The following AGPAT2 variants were observed in gnomAD, a reference collection of about 807,000 sequenced individuals.
The protein encoded by AGPAT2 is 1-acyl-sn-glycerol-3-phosphate acyltransferase beta.
AGPAT2 carries 18 observed loss-of-function variants against 26.1 expected under a neutral mutation model. The observed-to-expected ratio is 0.69, with a 90% CI of 0.48 to 1.02. The LOEUF is 1.02. Ranked by LOEUF, AGPAT2 falls within the 50% of genes least tolerant of loss-of-function variation. The probability of loss-of-function intolerance (pLI) is 0.00; values close to 1 mark genes in which losing one functional copy is unlikely to be tolerated. For missense variants in AGPAT2, 415 were observed against 394.9 expected (o/e 1.05, Z -0.43); for synonymous variants, 200 against 174.2 (o/e 1.15, Z -1.16).
rs144280936 is a variant in AGPAT2, at chr9:136,683,862, G to A, written c.182+3314C>T. On this transcript the variant is annotated intron_variant, in intron 1 of 5. Transcript: ENST00000371696. ...GCCCCCGATGGCATCTGTCATCACC[G>A]GACATCTGTCAGAGGACCCGGGACC... is the stretch of plus-strand genomic sequence containing the variant. 3.0e-4 allele frequency among the ~76,000 whole-genome samples: 46 copies of A among 152,330 alleles called. No individual in the cohort carries two copies. In the East Asian group the frequency reaches 5.8e-3, roughly 19 times the overall value.
Position 136,677,533 on chromosome 9 carries a change from C to T in AGPAT2, c.206G>A (p.Ser69Asn). 1 of 1,612,910 alleles carries T rather than the reference C, an allele frequency of 6.2e-7. No individual in the cohort carries two copies. Among genetic ancestry groups the T allele is most frequent in the Non-Finnish European group, 8.5e-7 (1 of 1,179,930 alleles). ...NMSIIGWFVRSFKYFYGLRFE... is the reference protein window; with the variant it reads ...NMSIIGWFVRNFKYFYGLRFE... Reference sequence around the variant, plus strand: ...GCGGAGCCCGTAAAAGTACTTGAAGCTTCGCACGAACCAGCCGATGATGCT... The same window carrying T: ...GCGGAGCCCGTAAAAGTACTTGAAGTTTCGCACGAACCAGCCGATGATGCT... Residue 69 changes from serine (S) to asparagine (N), a missense_variant, in exon 2 of 6, where the codon AGC (serine) becomes AAC (asparagine). Ser to Asn is a conservative substitution (Grantham distance 46). Transcript: ENST00000371696.
At chr9:136,679,535 G>A (rs1028640517) in intron 1 of AGPAT2, among the ~76,000 whole-genome samples, 1 of 152,134 alleles carries the variant, frequency 6.6e-6, no homozygotes, top group African/African-American at 2.4e-5. Flanking sequence ...CGCACACTCA[G>A]GGGAACTGCA....
chr9:136,677,007 GC>G lies in AGPAT2; in HGVS notation c.445del (p.Ala149ProfsTer2). On this transcript the variant is annotated frameshift_variant, in exon 3 of 6. Transcript: ENST00000371696. LOFTEE classifies it high-confidence loss of function. ...GCCCAGGTCGGCCATCACTGTCATG[GC>G]AGTGCTAGAGCGCTGCCGGTTGATG... ...FFINRQRSST[A>X]MTVMADLGER... 6.2e-7 allele frequency: 1 copy of G among 1,612,834 alleles called. No individual in the cohort carries two copies. Among genetic ancestry groups the G allele is most frequent in the Non-Finnish European group, 8.5e-7 (1 of 1,179,894 alleles).
At chr9:136,679,476 C>T (rs1010440635) in intron 1 of AGPAT2, among the ~76,000 whole-genome samples, 6 of 152,178 alleles carry the variant, frequency 3.9e-5, no homozygotes, top group African/African-American at 9.7e-5. Context: ...CAGGCCGCGC[C>T]GGCCACCGTC....
At chr9:136,676,876 G>C in intron 3 of AGPAT2, 85 bp downstream of exon 3, 1 of 1,529,572 alleles carries the variant, frequency 6.5e-7, no homozygotes, top group Non-Finnish European at 8.9e-7. Flanking sequence ...TGTTTTTTCT[G>C]CCAAAACCAA....
Position 136,673,849 on chromosome 9 carries a change from G to T in AGPAT2, c.740C>A (p.Thr247Asn). ...GGTGGTCCTCATGGCCCGGTGGCAG[G>T]TGTCCACGAGCGCAGGGACGTCCGC... ...TAADVPALVD[T>N]CHRAMRTTFL... is the part of the protein sequence containing the mutation. The change falls in exon 6 of 6, where the codon ACC becomes AAC. Residue 247 changes from threonine (T) to asparagine (N), a missense_variant. Transcript: ENST00000371696. The T allele has an allele frequency of 6.2e-7, 1 of 1,606,118 alleles. No homozygotes were observed. The highest frequency in any genetic ancestry group is 8.5e-7 in the Non-Finnish European group (1 of 1,177,998).
At chr9:136,678,636 C>G (rs1846122866) in intron 1 of AGPAT2, among the ~76,000 whole-genome samples, 1 of 152,194 alleles carries the variant, frequency 6.6e-6, no homozygotes, top group South Asian at 2.1e-4. Context: ...CCTAAGGGCC[C>G]CACACTTTCT....
intron 3 of AGPAT2, 101 bp from the exon 4 acceptor site, chr9:136,676,781 G>T (rs1184814795): frequency 8.3e-6 from 11 of 1,329,518 alleles, no homozygotes; most frequent in African/African-American, 2.9e-5. Context: ...AAAGCAGCTG[G>T]CATGGGACCC....
intron 4 of AGPAT2, 32 bp from the exon 5 acceptor site, chr9:136,674,839 C>A: frequency 1.3e-6 from 2 of 1,506,230 alleles, no homozygotes; most frequent in Admixed American, 2.1e-5. Flanking sequence ...GCTGAGGCAG[C>A]CCTGGGGACA....
intron 1 of AGPAT2, among the ~76,000 whole-genome samples, chr9:136,679,821 C>T (rs1030689509): frequency 4.6e-5 from 7 of 152,154 alleles, no homozygotes; most frequent in East Asian, 1.9e-4. Context: ...AGTGAGGAGT[C>T]GCACAGACAA....
chr9:136,679,922 C>T (rs930754379), intron 1 of AGPAT2, among the ~76,000 whole-genome samples: 10 of 152,274 alleles, frequency 6.6e-5, no homozygotes, highest in East Asian at 3.9e-4. Flanking sequence ...GGAATTCGCC[C>T]GACGGCTGGA....
chr9:136,673,419 A>C lies in AGPAT2; in HGVS notation c.*333T>G, dbSNP rs1846035564. The stretch of plus-strand genomic sequence containing the variant: ...GTGCGTCTGGCCTCGGGGTCCTCCC[A>C]TCTGCTCCTGGGCCATCGGGGGCCT... On this transcript the variant is annotated 3_prime_UTR_variant, in exon 6 of 6. Coordinates refer to ENST00000371696, the MANE Select transcript of AGPAT2 (RefSeq NM_006412.4). 1 of 232,410 alleles carries C rather than the reference A, an allele frequency of 4.3e-6. No homozygotes were observed. The highest frequency in any genetic ancestry group is 2.3e-5 in the African/African-American group (1 of 44,382). The allele number at this position is 232,410 out of a possible 1,614,324, so 14.4% of individuals were successfully genotyped here.
Position 136,673,859 on chromosome 9 carries a change from G to T in AGPAT2, c.730C>A (p.Leu244Ile). The T allele has an allele frequency of 6.2e-7, 1 of 1,605,296 alleles. No homozygotes were observed. ...SGLTAADVPALVDTCHRAMRT... is the reference protein window; with the variant it reads ...SGLTAADVPAIVDTCHRAMRT... ...ATGGCCCGGTGGCAGGTGTCCACGA[G>T]CGCAGGGACGTCCGCCGCAGTGAGG... Residue 244 changes from leucine (L) to isoleucine (I), a missense_variant, in exon 6 of 6, where the codon CTC (leucine) becomes ATC (isoleucine). Transcript: ENST00000371696.
intron 1 of AGPAT2, among the ~76,000 whole-genome samples, chr9:136,684,816 C>A (rs975745981): frequency 6.6e-6 from 1 of 152,328 alleles, no homozygotes; most frequent in African/African-American, 2.4e-5. Context: ...TAACACAGAG[C>A]ACACGCGAAT....
intron 1 of AGPAT2, among the ~76,000 whole-genome samples, chr9:136,681,755 T>C (rs967356966): frequency 1.3e-5 from 2 of 152,170 alleles, no homozygotes; most frequent in East Asian, 1.9e-4. Flanking sequence ...TGAGCCGAGA[T>C]GGTGCCATTG....
At chr9:136,674,379 C>T (rs771390687) in intron 5 of AGPAT2, among the ~76,000 whole-genome samples, 2 of 152,244 alleles carry the variant, frequency 1.3e-5, no homozygotes, top group Non-Finnish European at 2.9e-5. Flanking sequence ...GCAGCCTGTG[C>T]CCCTGGGCTG....
intron 1 of AGPAT2, among the ~76,000 whole-genome samples, chr9:136,681,133 AG>A (rs1296941339): frequency 7.2e-6 from 1 of 138,716 alleles, no homozygotes; most frequent in African/African-American, 2.7e-5. Context: ...TAAGCTGCTT[AG>A]GGGTTGGATC....
intron 1 of AGPAT2, among the ~76,000 whole-genome samples, chr9:136,678,896 A>G (rs62580383): frequency 0.018 from 2,690 of 152,014 alleles, 49 homozygotes; most frequent in Non-Finnish European, 0.028. Flanking sequence ...GGGACCACAG[A>G]CGTGAGCCAC....
intron 5 of AGPAT2, among the ~76,000 whole-genome samples, chr9:136,674,259 T>A (rs1291619748): frequency 6.6e-6 from 1 of 152,186 alleles, no homozygotes; most frequent in Non-Finnish European, 1.5e-5. Context: ...GTGGGAGAGA[T>A]GGAGCTGGGT....
Sources: gnomAD v4.1 joint callset for allele counts (sites outside exome capture counted in the v4.1 genomes callset) on GRCh38, gnomAD v4.1.1 for gene constraint, MANE v1.5 for transcripts, NCBI Gene and HGNC (gene_info 2026-07-23, HGNC 2026-07-21) for gene names.